SPECC1L: variants seen among roughly 807,000 people sequenced by gnomAD.
SPECC1L encodes the protein cytospin-A.
Under a neutral mutation model 116.8 loss-of-function variants are expected in SPECC1L, and 40 were observed. The ratio of observed to expected loss-of-function variants is 0.34; its 90% CI spans 0.27 to 0.45. The LOEUF is 0.45. Among genes scored for constraint, SPECC1L ranks in the 20% least tolerant of loss-of-function variants. SPECC1L has a pLI of 1.00. For synonymous variants in SPECC1L, 504 were observed against 500.6 expected (o/e 1.01, Z -0.09); for missense variants, 1,110 against 1,373.6 (o/e 0.81, Z 3.03).
intron 14 of SPECC1L, among the ~76,000 whole-genome samples, chr22:24,377,343 T>G (rs1348546912): frequency 6.6e-6 from 1 of 152,156 alleles, no homozygotes; most frequent in Non-Finnish European, 1.5e-5. Context: ...GGTCTCACTA[T>G]GTTTCCCAGG....
chr22:24,322,050 C>T lies in SPECC1L; in HGVS notation c.1070C>T (p.Thr357Ile). 2 of 1,614,214 alleles carry T rather than the reference C, an allele frequency of 1.2e-6. No individual in the cohort carries two copies. The highest frequency in any genetic ancestry group is 1.7e-6 in the Non-Finnish European group (2 of 1,180,046). ...SECSEVYQPL[T>I]SSDDALDAPS... ...TGCAGTGAGGTCTACCAGCCCCTCACATCGAGCGATGATGCGCTGGATGCA... is the reference window on the plus strand; with the variant it reads ...TGCAGTGAGGTCTACCAGCCCCTCATATCGAGCGATGATGCGCTGGATGCA... The change falls in exon 5 of 17, where the codon ACA becomes ATA. Residue 357 changes from threonine to isoleucine, a missense_variant. By Grantham distance (89) the Thr-to-Ile change is moderately conservative (BLOSUM62 -1). Transcript: ENST00000314328.
chr22:24,389,365 T>C (rs1279071561), intron 14 of SPECC1L, among the ~76,000 whole-genome samples: 1 of 152,092 alleles, frequency 6.6e-6, no homozygotes, highest in Non-Finnish European at 1.5e-5. Flanking sequence ...TCCACCCACC[T>C]CAACCCCCCA....
intron 14 of SPECC1L, among the ~76,000 whole-genome samples, chr22:24,377,011 C>A (rs1181246630): frequency 6.6e-6 from 1 of 151,982 alleles, no homozygotes; most frequent in East Asian, 1.9e-4. Context: ...CATTAGCATT[C>A]ATTCTCTATT....
chr22:24,346,367 A>T (rs1180364021), intron 10 of SPECC1L, among the ~76,000 whole-genome samples: 2 of 152,198 alleles, frequency 1.3e-5, no homozygotes, highest in East Asian at 1.9e-4. Context: ...GTGACAAGCC[A>T]TTGCTGTAGT....
At chr22:24,411,782 A>AG in intron 15 of SPECC1L, 78 bp downstream of exon 15, 6 of 1,170,744 alleles carry the variant, frequency 5.1e-6, no homozygotes, top group Non-Finnish European at 6.4e-6. Context: ...CACCTGCCTC[A>AG]GCAGGTCACA....
At chr22:24,402,201 T>C (rs2042493388) in intron 14 of SPECC1L, among the ~76,000 whole-genome samples, 1 of 143,424 alleles carries the variant, frequency 7.0e-6, no homozygotes, top group Non-Finnish European at 1.5e-5. Flanking sequence ...TTGGCCCTGC[T>C]TCAGGGAGGA....
At chr22:24,297,965 GTTA>G (rs1248764215) in intron 2 of SPECC1L, among the ~76,000 whole-genome samples, 3 of 152,080 alleles carry the variant, frequency 2.0e-5, no homozygotes, top group African/African-American at 7.3e-5. Flanking sequence ...TTTATTATTA[GTTA>G]TTGTTGTTAA....
chr22:24,313,284 A>C, intron 3 of SPECC1L, 29 bp from the exon 4 acceptor site: 1 of 1,613,004 alleles, frequency 6.2e-7, no homozygotes, highest in Non-Finnish European at 8.5e-7. Context: ...TGATCTAGTA[A>C]ATTTGTTTTT....
At chr22:24,377,157 T>C (rs1315509320) in intron 14 of SPECC1L, among the ~76,000 whole-genome samples, 1 of 152,216 alleles carries the variant, frequency 6.6e-6, no homozygotes, top group African/African-American at 2.4e-5. Context: ...TTAAGGTTCA[T>C]CCATGCTGTA....
chr22:24,353,976 A>T (rs568391889), intron 11 of SPECC1L, among the ~76,000 whole-genome samples: 1 of 152,242 alleles, frequency 6.6e-6, no homozygotes, highest in Non-Finnish European at 1.5e-5. Flanking sequence ...TATAGGAGGC[A>T]TGGTGCCAGC....
At position 24,302,146 on chromosome 22, in the gene SPECC1L, C is replaced by T. The variant is rs199772407; in HGVS notation, c.-37-49C>T. 3.7e-5 allele frequency: 50 copies of T among 1,367,384 alleles called. No homozygotes were observed. The Middle Eastern group carries it at 8.9e-4, about 24-fold the overall frequency. The allele number at this position is 1,367,384 out of a possible 1,614,324, so 84.7% of individuals were successfully genotyped here. On this transcript the variant is annotated intron_variant, in intron 2 of 16. Coordinates refer to ENST00000314328, the MANE Select transcript of SPECC1L (RefSeq NM_015330.6). ...ATTCTTCGAAAACAAATTTCTAAAG[C>T]GCTTCCTTCCAGTTATGTTCTCAGT...
chr22:24,382,222 G>C (rs2042902162), intron 14 of SPECC1L, among the ~76,000 whole-genome samples: 3 of 152,198 alleles, frequency 2.0e-5, no homozygotes, highest in South Asian at 2.1e-4. Context: ...CAATTGAGTT[G>C]AGCCCATATT....
At chr22:24,372,777 C>T (rs961558482) in intron 14 of SPECC1L, among the ~76,000 whole-genome samples, 1 of 151,050 alleles carries the variant, frequency 6.6e-6, no homozygotes, top group Non-Finnish European at 1.5e-5. Context: ...CTGGCCAGGG[C>T]AGTCAGGCAG....
At chr22:24,390,872 C>CTTTTTTTTTTTTTTTTTT (rs1016008966) in intron 14 of SPECC1L, among the ~76,000 whole-genome samples, 16 of 57,120 alleles carry the variant, frequency 2.8e-4, no homozygotes, top group African/African-American at 1.1e-3. Flanking sequence ...TTTTTCTTTT[C>CTTTTTTTTTTTTTTTTTT]TTTTTTTTTT....
chr22:24,384,694 T>C (rs541842583), intron 14 of SPECC1L, among the ~76,000 whole-genome samples: 1 of 152,332 alleles, frequency 6.6e-6, no homozygotes, highest in Non-Finnish European at 1.5e-5. Flanking sequence ...ATGGAGTTAC[T>C]GAGAACTTAA....
In SPECC1L at chr22:24,415,284, C is replaced by G. The variant is rs908114690; in HGVS notation, c.*661C>G. On this transcript the variant is annotated 3_prime_UTR_variant, in exon 17 of 17. Transcript: ENST00000314328. ...AGGGCTGGGGTGCTGCTGCTGCACT[C>G]ACGCGGCTGGGCTTTCTGGCGGGAA... 6.5e-6 allele frequency: 1 copy of G among 153,508 alleles called. No individual in the cohort carries two copies. Among genetic ancestry groups the G allele is most frequent in the Non-Finnish European group, 1.5e-5 (1 of 68,828 alleles). The allele number at this position is 153,508 out of a possible 1,614,324, so 9.5% of individuals were successfully genotyped here. A position where few individuals can be genotyped will look rare whatever the true frequency, so the allele number is the denominator to read the frequency against.
chr22:24,383,907 C>T (rs1196765770), intron 14 of SPECC1L, among the ~76,000 whole-genome samples: 2 of 148,526 alleles, frequency 1.3e-5, no homozygotes, highest in East Asian at 2.0e-4. Context: ...CCCACCTGGG[C>T]CCCCCAAAGT....
At chr22:24,286,623 A>G (rs1201104233) in intron 2 of SPECC1L, among the ~76,000 whole-genome samples, 1 of 152,210 alleles carries the variant, frequency 6.6e-6, no homozygotes, top group African/African-American at 2.4e-5. Context: ...TCCTACCACT[A>G]AGAAGTGAGT....
At chr22:24,356,783 GT>G (rs2041541552) in intron 11 of SPECC1L, among the ~76,000 whole-genome samples, 1 of 151,652 alleles carries the variant, frequency 6.6e-6, no homozygotes, top group Non-Finnish European at 1.5e-5. Context: ...TTATTACTTT[GT>G]TTTATCTCTC....
Sources: allele counts gnomAD v4.1 joint callset (sites outside exome capture counted in the v4.1 genomes callset), GRCh38; gene constraint gnomAD v4.1.1; transcripts MANE v1.5; gene names NCBI Gene and HGNC (gene_info 2026-07-23, HGNC 2026-07-21).